TBX5: variants seen among roughly 807,000 people sequenced by gnomAD.
TBX5 encodes the protein T-box transcription factor 5.
In TBX5, 8 loss-of-function variants were observed where a neutral mutation model predicts 51.1. The observed-to-expected ratio is 0.16, with a 90% CI of 0.09 to 0.28. TBX5 has a LOEUF of 0.28. TBX5 is among the 10% of genes least tolerant of loss of function. The probability of loss-of-function intolerance (pLI) is 1.00; values close to 1 mark genes in which losing one functional copy is unlikely to be tolerated. For synonymous variants in TBX5, 302 were observed against 266.4 expected (o/e 1.13, Z -1.30); for missense variants, 589 against 671.7 (o/e 0.88, Z 1.36).
intron 6 of TBX5, among the ~76,000 whole-genome samples, chr12:114,388,436 C>A (rs1030618079): frequency 1.3e-5 from 2 of 151,960 alleles, no homozygotes; most frequent in African/African-American, 2.4e-5. Flanking sequence ...GGATTACAGG[C>A]GTGAGCCACC....
chr12:114,378,483 C>T lies in TBX5; in HGVS notation c.755+6993G>A, dbSNP rs545503236. Among the ~76,000 whole-genome samples, 19 of 152,306 alleles carry T rather than the reference C, an allele frequency of 1.2e-4. No individual in the cohort carries two copies. The South Asian group carries it at 2.3e-3, about 18-fold the overall frequency. On this transcript the variant is annotated intron_variant, in intron 7 of 8. Coordinates refer to ENST00000405440, the MANE Select transcript of TBX5 (RefSeq NM_181486.4). ...CCGTGTCTTAACACCTACCAGCGAT[C>T]GAGCGTCCCTCTGGGCCAGACACTG...
chr12:114,360,884 C>T (rs770599123), intron 8 of TBX5, among the ~76,000 whole-genome samples: 38 of 152,114 alleles, frequency 2.5e-4, no homozygotes, highest in Admixed American at 3.3e-4. Flanking sequence ...TGGTATTGTG[C>T]GAAGATTCTC....
intron 7 of TBX5, among the ~76,000 whole-genome samples, chr12:114,376,003 A>G (rs954861535): frequency 3.3e-5 from 5 of 152,112 alleles, no homozygotes; most frequent in Admixed American, 6.6e-5. Flanking sequence ...CCTGATCATG[A>G]CACTGCACTC....
At chr12:114,392,663 C>G (rs1436818150) in intron 6 of TBX5, among the ~76,000 whole-genome samples, 1 of 152,096 alleles carries the variant, frequency 6.6e-6, no homozygotes, top group African/African-American at 2.4e-5. Flanking sequence ...GGACCCCAGT[C>G]TGGTCTGAGA....
At chr12:114,403,251 T>G (rs1245463361) in intron 2 of TBX5, among the ~76,000 whole-genome samples, 2 of 152,050 alleles carry the variant, frequency 1.3e-5, no homozygotes, top group African/African-American at 4.8e-5. Context: ...GGCGCGCGGG[T>G]CTAGTCGGCG....
At chr12:114,389,658 G>T (rs1307425862) in intron 6 of TBX5, among the ~76,000 whole-genome samples, 1 of 145,728 alleles carries the variant, frequency 6.9e-6, no homozygotes, top group African/African-American at 2.5e-5. Flanking sequence ...GGAGGCTGAG[G>T]CAGGAGAATG....
intron 7 of TBX5, among the ~76,000 whole-genome samples, chr12:114,371,849 C>T (rs150598080): frequency 1.1e-4 from 16 of 152,192 alleles, no homozygotes; most frequent in South Asian, 1.0e-3. Context: ...TGCACGGACA[C>T]GGCAGGGACT....
rs115048237 is a variant in TBX5 at position 114,378,261 on chromosome 12, C to T, written c.755+7215G>A. Among the ~76,000 whole-genome samples the T allele has an allele frequency of 5.7e-3, 867 of 152,198 alleles. 8 individuals carry two copies. The highest frequency in any genetic ancestry group is 0.02 in the African/African-American group (823 of 41,528). On this transcript the variant is annotated intron_variant, in intron 7 of 8. Transcript: ENST00000405440. ...CTGTGTGAGGTGAGCTAAGAAATACCGAGATGAAGGACTTTGCTATTGCTT... is the reference window on the plus strand; with the variant it reads ...CTGTGTGAGGTGAGCTAAGAAATACTGAGATGAAGGACTTTGCTATTGCTT...
intron 7 of TBX5, among the ~76,000 whole-genome samples, chr12:114,375,519 A>G (rs1870141150): frequency 6.6e-6 from 1 of 152,234 alleles, no homozygotes; most frequent in South Asian, 2.1e-4. Context: ...ACAAATAGAT[A>G]AGAGGTATAA....
At chr12:114,397,003 C>A (rs1319458057) in intron 5 of TBX5, among the ~76,000 whole-genome samples, 1 of 152,166 alleles carries the variant, frequency 6.6e-6, no homozygotes, top group African/African-American at 2.4e-5. Context: ...TTCCTCTCCA[C>A]CCACGTGCTG....
At position 114,394,675 on chromosome 12, in the gene TBX5, C is replaced by T. The variant is rs181915179; in HGVS notation, c.663+66G>A. Reference sequence around the variant, plus strand: ...AGGAGCAAAGTTCCAGCAGGAAAACCTTGCAGATTCATGCAAAAGAAAGAG... The same window carrying T: ...AGGAGCAAAGTTCCAGCAGGAAAACTTTGCAGATTCATGCAAAAGAAAGAG... On this transcript the variant is annotated intron_variant, in intron 6 of 8. Coordinates refer to ENST00000405440, the MANE Select transcript of TBX5 (RefSeq NM_181486.4). The T allele has an allele frequency of 1.2e-3, 1,968 of 1,607,168 alleles. 5 individuals are homozygous for T. Among genetic ancestry groups the T allele is most frequent in the Non-Finnish European group, 1.6e-3 (1,872 of 1,175,002 alleles).
At position 114,400,259 on chromosome 12, in the gene TBX5, A is replaced by C. The variant is rs995525682; in HGVS notation, c.243-627T>G. ...GGAGTTTATTCCTGAATGCCCCCAC[A>C]ACTTCTCCAAGGCCCCTGAAACTCT... is the stretch of plus-strand genomic sequence containing the variant. On this transcript the variant is annotated intron_variant, in intron 3 of 8. Transcript: ENST00000405440. Among the ~76,000 whole-genome samples, 22 of 152,198 alleles carry C rather than the reference A, an allele frequency of 1.4e-4. 1 individual carries two copies.
rs1871342195 is a variant in TBX5, at chr12:114,394,950, G to T, written c.511-57C>A. ...AAAATCAAAACTCCCTTTGTCTCCA[G>T]ATAAAACCCTGCTCCCCGCCCTCTA... On this transcript the variant is annotated intron_variant, in intron 5 of 8. Coordinates refer to ENST00000405440, the MANE Select transcript of TBX5 (RefSeq NM_181486.4). 22 of 1,569,756 alleles carry T rather than the reference G, an allele frequency of 1.4e-5. No individual in the cohort carries two copies. In the South Asian group the frequency reaches 2.2e-4, roughly 16 times the overall value.
At chr12:114,391,482 C>T (rs1021223656) in intron 6 of TBX5, among the ~76,000 whole-genome samples, 1 of 152,194 alleles carries the variant, frequency 6.6e-6, no homozygotes, top group Admixed American at 6.5e-5. Flanking sequence ...ATGCTCTGTG[C>T]TAGCTCTCTG....
At chr12:114,363,715 T>C (rs1209197503) in intron 8 of TBX5, among the ~76,000 whole-genome samples, 1 of 152,148 alleles carries the variant, frequency 6.6e-6, no homozygotes, top group East Asian at 1.9e-4. Context: ...CCACTGGCAG[T>C]TTTTGTTTGG....
rs564730479 is a variant in TBX5 at position 114,403,758 on chromosome 12, G to C, written c.141C>G (p.Thr47=). The C allele has an allele frequency of 6.2e-7, 1 of 1,613,524 alleles. No homozygotes were observed. The highest frequency in any genetic ancestry group is 8.5e-7 in the Non-Finnish European group (1 of 1,179,982). The part of the protein sequence containing the change: ...KSPSSPQAAF[T]QQGMEGIKVF... ...AAGCGCGAGGTCTCCTTACCTGCTG[G>C]GTGAAGGCGGCCTGCGGGGACGACG... The change falls in exon 2 of 9, where the codon ACC becomes ACG. Residue 47 remains threonine (T), a synonymous_variant. Transcript: ENST00000405440.
At chr12:114,370,288 G>GAAAGA (rs775331042) in intron 7 of TBX5, among the ~76,000 whole-genome samples, 1,727 of 56,386 alleles carry the variant, frequency 0.031, 50 homozygotes, top group South Asian at 0.092. Context: ...GAAAAGAAAA[G>GAAAGA]AAAGAAAAGA....
At chr12:114,394,240 G>A (rs980503979) in intron 6 of TBX5, among the ~76,000 whole-genome samples, 41 of 152,176 alleles carry the variant, frequency 2.7e-4, no homozygotes, top group African/African-American at 8.4e-4. Context: ...TCTTGAGCCT[G>A]GGAAGTCAAG....
At position 114,403,903 on chromosome 12, in the gene TBX5, C is replaced by T. The variant is rs755664220; in HGVS notation, c.-5G>A. 2.5e-6 allele frequency: 4 copies of T among 1,611,036 alleles called. No individual in the cohort carries two copies. Among genetic ancestry groups the T allele is most frequent in the Non-Finnish European group, 3.4e-6 (4 of 1,179,782 alleles). ...GCCCTCGTCTGCGTCGGCCATGGTGCGCCCAGGGCCCTGTGCCCGCGCAAG... is the reference window on the plus strand; with the variant it reads ...GCCCTCGTCTGCGTCGGCCATGGTGTGCCCAGGGCCCTGTGCCCGCGCAAG... On this transcript the variant is annotated 5_prime_UTR_variant, in exon 2 of 9. Transcript: ENST00000405440.
Sources: gnomAD v4.1 joint callset for allele counts (sites outside exome capture counted in the v4.1 genomes callset) on GRCh38, gnomAD v4.1.1 for gene constraint, MANE v1.5 for transcripts, NCBI Gene and HGNC (gene_info 2026-07-23, HGNC 2026-07-21) for gene names.